Variants in STS observed in about 807,000 individuals in gnomAD.
The protein encoded by STS is steryl-sulfatase.
STS carries 7 observed loss-of-function variants against 26.8 expected under a neutral mutation model. The observed-to-expected ratio is 0.26, with a 90% CI of 0.15 to 0.49. The LOEUF is 0.49. Among genes scored for constraint, STS ranks in the 20% least tolerant of loss-of-function variants. STS has a pLI of 0.98. For missense variants in STS, 434 were observed against 465.6 expected (o/e 0.93, Z 0.63); for synonymous variants, 199 against 189.4 (o/e 1.05, Z -0.42).
rs777476947 is a variant in STS, at chrX:7,328,523, T to C, written c.1241+3025T>C. ...AAGATTCCCCTCTGTTTCTGATTCC[T>C]TTCATGGACCTCAGAGGTGCTTGCT... On this transcript the variant is annotated intron_variant, in intron 9 of 10. Transcript: ENST00000674429. 3.7e-5 allele frequency among the ~76,000 whole-genome samples: 4 copies of C among 109,132 alleles called. No individual in the cohort carries two copies. The East Asian group carries it at 1.2e-3, about 32-fold the overall frequency. 94.8% of individuals were successfully genotyped at this position (109,132 alleles called of 115,157 possible).
Position 7,257,308 on chromosome X carries a change from G to A in STS, c.204G>A (p.Pro68=), listed in dbSNP as rs769521230. ...VKLTQHLAAS[P]LCTPSRAAFM... is the part of the protein sequence containing the mutation. ...TCACTCAGCACCTGGCAGCATCACC[G>A]CTGTGCACACCAAGCAGGGCAGCCT... The change falls in exon 4 of 11, where the codon CCG becomes CCA. Residue 68 remains proline (P), a synonymous_variant. Coordinates refer to ENST00000674429, the MANE Select transcript of STS (RefSeq NM_001320752.2). 3.6e-5 allele frequency: 44 copies of A among 1,210,589 alleles called. 1 individual carries two copies. The highest frequency in any genetic ancestry group is 1.7e-4 in the Admixed American group (8 of 45,941).
Position 7,163,632 on chromosome X carries a change from A to G in STS, c.-134+15549A>G, listed in dbSNP as rs1601622781. ...CACAGGACTTTACCACTTCTTTTCAAATCTTGCCTTCAGAAATGTAGGTTT... is the reference window on the plus strand; with the variant it reads ...CACAGGACTTTACCACTTCTTTTCAGATCTTGCCTTCAGAAATGTAGGTTT... On this transcript the variant is annotated intron_variant, in intron 1 of 10. Coordinates refer to ENST00000674429, the MANE Select transcript of STS (RefSeq NM_001320752.2). Among the ~76,000 whole-genome samples, 5 of 112,363 alleles carry G rather than the reference A, an allele frequency of 4.4e-5. 1 individual carries two copies. The Admixed American group carries it at 4.7e-4, about 11-fold the overall frequency.
At chrX:7,325,275 T>C (rs1425064486) in intron 8 of STS, 64 bp from the exon 9 acceptor site, 1 of 1,141,590 alleles carries the variant, frequency 8.8e-7, no homozygotes, top group Non-Finnish European at 1.2e-6. Flanking sequence ...AAGAGTCCAT[T>C]GAAGTGAGCA....
chrX:7,175,327 T>G (rs1323361761), intron 1 of STS, among the ~76,000 whole-genome samples: 4 of 110,357 alleles, frequency 3.6e-5, no homozygotes, highest in African/African-American at 1.3e-4. Context: ...CTCTACAAAA[T>G]TTTTTAAAAT....
chrX:7,175,799 T>C (rs918983125), intron 1 of STS, among the ~76,000 whole-genome samples: 12 of 111,712 alleles, frequency 1.1e-4, no homozygotes, highest in Non-Finnish European at 2.1e-4. Flanking sequence ...CATTATCCAG[T>C]TCATGAGCTA....
intron 2 of STS, among the ~76,000 whole-genome samples, chrX:7,212,841 T>G (rs1921090719): frequency 8.9e-6 from 1 of 112,276 alleles, no homozygotes; most frequent in South Asian, 3.7e-4. Context: ...CAAATGCAGT[T>G]CCTGTTGAAA....
chrX:7,219,300 A>C, intron 2 of STS: 1 of 502,805 alleles, frequency 2.0e-6, no homozygotes, highest in Non-Finnish European at 2.4e-6. Context: ...CCGCTTGGGT[A>C]TCAGATTGTG....
intron 1 of STS, among the ~76,000 whole-genome samples, chrX:7,158,982 A>T (rs1471722085): frequency 8.9e-6 from 1 of 111,759 alleles, no homozygotes; most frequent in African/African-American, 3.3e-5. Flanking sequence ...ATCCTTAGTT[A>T]TTATTAAGAC....
chrX:7,155,836 G>A (rs987912109), intron 1 of STS, among the ~76,000 whole-genome samples: 2 of 111,540 alleles, frequency 1.8e-5, no homozygotes, highest in Admixed American at 1.9e-4. Context: ...GCTATATATC[G>A]TTCCTCTTAA....
At chrX:7,291,169 A>G (rs1341042407) in intron 7 of STS, among the ~76,000 whole-genome samples, 9 of 111,458 alleles carry the variant, frequency 8.1e-5, no homozygotes, top group African/African-American at 2.9e-4. Flanking sequence ...CAATCTGAAG[A>G]GTCACTTCTC....
At chrX:7,277,699 C>G (rs1358729616) in intron 7 of STS, among the ~76,000 whole-genome samples, 1 of 111,536 alleles carries the variant, frequency 9.0e-6, no homozygotes, top group African/African-American at 3.3e-5. Context: ...ATTTGTAATA[C>G]TAACTAGGAA....
intron 1 of STS, among the ~76,000 whole-genome samples, chrX:7,168,286 T>C (rs930453732): frequency 1.8e-5 from 2 of 111,292 alleles, no homozygotes; most frequent in Non-Finnish European, 3.8e-5. Flanking sequence ...GAGAACCAGA[T>C]AACCTAATGG....
In STS at chrX:7,259,664, G is replaced by C. The variant is rs150838898; in HGVS notation, c.698G>C (p.Arg233Pro). The stretch of plus-strand genomic sequence containing the variant: ...TTCTTGGGCTTCCTTCATTACTTCC[G>C]GCCCCTGAACTGCTTCATGATGAGG... The part of the protein sequence containing the change: ...TLFLGFLHYF[R>P]PLNCFMMRNY... The change falls in exon 6 of 11, where the codon CGG becomes CCG. Residue 233 changes from arginine (R) to proline (P), a missense_variant. Around this residue, in one of 2 missense-constraint regions of STS, gnomAD observed 229 missense variants for 288.3 expected, o/e 0.79. Transcript: ENST00000674429. 1 of 1,210,449 alleles carries C rather than the reference G, an allele frequency of 8.3e-7. No individual in the cohort carries two copies. The highest frequency in any genetic ancestry group is 2.2e-5 in the Admixed American group (1 of 45,886).
intron 10 of STS, among the ~76,000 whole-genome samples, chrX:7,337,352 A>G (rs1420043402): frequency 2.7e-5 from 3 of 112,254 alleles, no homozygotes; most frequent in Non-Finnish European, 5.6e-5. Context: ...AGCATGAGGC[A>G]CTGCTAGCTG....
intron 1 of STS, among the ~76,000 whole-genome samples, chrX:7,160,094 T>C (rs1335909684): frequency 8.9e-6 from 1 of 112,294 alleles, no homozygotes; most frequent in Non-Finnish European, 1.9e-5. Context: ...TTTTCTTCTC[T>C]GCTGCTAAGA....
At chrX:7,231,044 G>A (rs1922036650) in intron 2 of STS, among the ~76,000 whole-genome samples, 1 of 112,025 alleles carries the variant, frequency 8.9e-6, no homozygotes, top group African/African-American at 3.3e-5. Context: ...GAAAACAGGT[G>A]TGAATGCTCA....
chrX:7,267,731 G>A (rs1924075526), intron 6 of STS, among the ~76,000 whole-genome samples: 1 of 111,964 alleles, frequency 8.9e-6, no homozygotes, highest in Non-Finnish European at 1.9e-5. Flanking sequence ...ACAGTTATGG[G>A]ATTTATAGAT....
intron 6 of STS, among the ~76,000 whole-genome samples, chrX:7,261,968 G>A (rs1316341692): frequency 1.8e-5 from 2 of 112,038 alleles, no homozygotes; most frequent in African/African-American, 6.5e-5. Flanking sequence ...AATCTAAATT[G>A]TCATTGAACT....
chrX:7,284,183 T>C (rs1235448484), intron 7 of STS, among the ~76,000 whole-genome samples: 1 of 112,092 alleles, frequency 8.9e-6, no homozygotes, highest in Non-Finnish European at 1.9e-5. Flanking sequence ...TATGGACTGC[T>C]CATTCATTAA....
Sources: allele counts gnomAD v4.1 joint callset (sites outside exome capture counted in the v4.1 genomes callset), GRCh38; gene constraint gnomAD v4.1.1; regional missense constraint gnomAD v4.1.1; transcripts MANE v1.5; gene names NCBI Gene and HGNC (gene_info 2026-07-23, HGNC 2026-07-21).